Variants in TLR4 observed in about 807,000 individuals in gnomAD.
The protein encoded by TLR4 is toll-like receptor 4.
Under a neutral mutation model 27.4 loss-of-function variants are expected in TLR4, and 17 were observed. The observed-to-expected ratio is 0.62, with a 90% CI of 0.42 to 0.93. TLR4 has a LOEUF of 0.93. Among genes scored for constraint, TLR4 ranks in the 40% least tolerant of loss-of-function variants. TLR4 has a pLI of 0.00. For missense variants in TLR4, 926 were observed against 962.3 expected (o/e 0.96, Z 0.50); for synonymous variants, 363 against 365.7 (o/e 0.99, Z 0.08).
chr9:117,709,615 G>A (rs1026219358), intron 2 of TLR4, among the ~76,000 whole-genome samples: 1 of 152,090 alleles, frequency 6.6e-6, no homozygotes, highest in Non-Finnish European at 1.5e-5. Context: ...AATGGATCAT[G>A]TTCTCTGCAA....
intron 2 of TLR4, chr9:117,708,940 A>G: frequency 3.5e-6 from 2 of 574,628 alleles, no homozygotes; most frequent in Admixed American, 6.6e-5. Flanking sequence ...CAGTTGGCTG[A>G]GACAGCTTCT....
At position 117,713,182 on chromosome 9, in the gene TLR4, T is replaced by A; in HGVS notation, c.1054T>A (p.Ser352Thr). The A allele has an allele frequency of 1.2e-6, 2 of 1,614,060 alleles. No individual in the cohort carries two copies. The highest frequency in any genetic ancestry group is 1.7e-6 in the Non-Finnish European group (2 of 1,179,978). ...FGQFPTLKLK[S>T]LKRLTFTSNK... ...ACAGTTTCCCACATTGAAACTCAAATCTCTCAAAAGGCTTACTTTCACTTC... is the reference window on the plus strand; with the variant it reads ...ACAGTTTCCCACATTGAAACTCAAAACTCTCAAAAGGCTTACTTTCACTTC... The change falls in exon 3 of 3, where the codon TCT becomes ACT. Residue 352 changes from serine (S) to threonine (T), a missense_variant. Ser to Thr is a moderately conservative substitution (Grantham distance 58). Coordinates refer to ENST00000355622, the MANE Select transcript of TLR4 (RefSeq NM_138554.5).
In TLR4 at chr9:117,712,995, A is replaced by G; in HGVS notation, c.867A>G (p.Arg289=). The G allele has an allele frequency of 6.2e-7, 1 of 1,614,130 alleles. No homozygotes were observed. Among genetic ancestry groups the G allele is most frequent in the Non-Finnish European group, 8.5e-7 (1 of 1,179,978 alleles). The change falls in exon 3 of 3, where the codon CGA becomes CGG. Residue 289 remains arginine (R), a synonymous_variant. Transcript: ENST00000355622. The part of the protein sequence containing the change: ...GLCNLTIEEF[R]LAYLDYYLDD... ...GCAATTTGACCATTGAAGAATTCCGATTAGCATACTTAGACTACTACCTCG... is the reference window on the plus strand; with the variant it reads ...GCAATTTGACCATTGAAGAATTCCGGTTAGCATACTTAGACTACTACCTCG...
rs1275668950 is a variant in TLR4 at position 117,721,747 on chromosome 9, G to A, written c.*7099G>A. 6.6e-6 allele frequency: 1 copy of A among 152,142 alleles called. No homozygotes were observed. The highest frequency in any genetic ancestry group is 2.4e-5 in the African/African-American group (1 of 41,440). 9.4% of individuals were successfully genotyped at this position (152,142 alleles called of 1,614,324 possible). On this transcript the variant is annotated 3_prime_UTR_variant, in exon 3 of 3. Coordinates refer to ENST00000355622, the MANE Select transcript of TLR4 (RefSeq NM_138554.5). ...CCAGTTTTCGTGCACAGACAGATTT[G>A]GGAATTACTGTTATAATGGAAAATG...
chr9:117,711,744 A>G (rs1266357659), intron 2 of TLR4, among the ~76,000 whole-genome samples: 8 of 152,156 alleles, frequency 5.3e-5, no homozygotes, highest in Admixed American at 2.0e-4. Flanking sequence ...TTCTTGGTCC[A>G]CAACGGTTCT....
chr9:117,714,690 T>G lies in TLR4; in HGVS notation c.*42T>G, dbSNP rs1310960522. On this transcript the variant is annotated 3_prime_UTR_variant, in exon 3 of 3. Transcript: ENST00000355622. ...CCTCCTGAGGCATTTCTTGCCCAGC[T>G]GGGTCCAACACTTGTTCAGTTAATA... The G allele has an allele frequency of 6.4e-7, 1 of 1,557,506 alleles. No homozygotes were observed. Among genetic ancestry groups the G allele is most frequent in the Non-Finnish European group, 8.8e-7 (1 of 1,133,224 alleles).
Position 117,714,199 on chromosome 9 carries a change from G to T in TLR4, c.2071G>T (p.Glu691Ter). ...CCAGGATGAGGACTGGGTAAGGAAT[G>T]AGCTAGTAAAGAATTTAGAAGAAGG... ...SSQDEDWVRN[E>*]LVKNLEEGVP... The change falls in exon 3 of 3, where the codon GAG (glutamate) becomes TAG (stop). Residue 691 changes from glutamate to a stop codon, truncating the protein, a stop_gained. Coordinates refer to ENST00000355622, the MANE Select transcript of TLR4 (RefSeq NM_138554.5). LOFTEE classifies it high-confidence loss of function. The T allele has an allele frequency of 6.2e-7, 1 of 1,609,986 alleles. No individual in the cohort carries two copies.
intron 2 of TLR4, among the ~76,000 whole-genome samples, chr9:117,710,053 A>G (rs11536880): frequency 0.031 from 4,775 of 152,172 alleles, 256 homozygotes; most frequent in African/African-American, 0.11. Context: ...AAGTATTCTT[A>G]CAGAATTTCA....
In TLR4 at chr9:117,712,437, C is replaced by T; in HGVS notation, c.309C>T (p.His103=). 1 of 1,613,930 alleles carries T rather than the reference C, an allele frequency of 6.2e-7. No individual in the cohort carries two copies. ...ATGGGGCATATCAGAGCCTAAGCCA[C>T]CTCTCTACCTTAATATTGACAGGAA... The part of the protein sequence containing the change: ...IEDGAYQSLS[H]LSTLILTGNP... The change falls in exon 3 of 3, where the codon CAC becomes CAT. Residue 103 remains histidine (H), a synonymous_variant. Transcript: ENST00000355622.
In TLR4 at chr9:117,714,538, C is replaced by T. The variant is rs55786277; in HGVS notation, c.2410C>T (p.Arg804Trp). The change falls in exon 3 of 3, where the codon CGG becomes TGG. Residue 804 changes from arginine to tryptophan, a missense_variant. By Grantham distance (101) the Arg-to-Trp change is moderately radical (BLOSUM62 -3). Coordinates refer to ENST00000355622, the MANE Select transcript of TLR4 (RefSeq NM_138554.5). The part of the protein sequence containing the change: ...YLEWEDSVLG[R>W]HIFWRRLRKA... ...GGAGTGGGAGGACAGTGTCCTGGGGCGGCACATCTTCTGGAGACGACTCAG... is the reference window on the plus strand; with the variant it reads ...GGAGTGGGAGGACAGTGTCCTGGGGTGGCACATCTTCTGGAGACGACTCAG... The T allele has an allele frequency of 8.6e-5, 138 of 1,613,726 alleles. 1 individual carries two copies. Among genetic ancestry groups the T allele is most frequent in the African/African-American group, 8.4e-4 (63 of 74,956 alleles).
At chr9:117,707,806 A>C (rs570234836) in intron 1 of TLR4, among the ~76,000 whole-genome samples, 44 of 152,360 alleles carry the variant, frequency 2.9e-4, no homozygotes, top group African/African-American at 1.0e-3. Flanking sequence ...AATCTGGGCC[A>C]TGACTAAGGA....
Position 117,713,272 on chromosome 9 carries a change from A to G in TLR4, c.1144A>G (p.Arg382Gly), listed in dbSNP as rs774938918. Residue 382 changes from arginine (R) to glycine (G), a missense_variant, in exon 3 of 3, where the codon AGA (arginine) becomes GGA (glycine). Physicochemically the swap from Arg to Gly is moderately radical, Grantham distance 125. Coordinates refer to ENST00000355622, the MANE Select transcript of TLR4 (RefSeq NM_138554.5). Reference protein sequence around the residue: ...LPSLEFLDLSRNGLSFKGCCS... With the variant: ...LPSLEFLDLSGNGLSFKGCCS... Reference sequence around the variant, plus strand: ...AAGCCTTGAGTTTCTAGATCTCAGTAGAAATGGCTTGAGTTTCAAAGGTTG... The same window carrying G: ...AAGCCTTGAGTTTCTAGATCTCAGTGGAAATGGCTTGAGTTTCAAAGGTTG... The G allele has an allele frequency of 1.2e-6, 2 of 1,614,062 alleles. No individual in the cohort carries two copies. Among genetic ancestry groups the G allele is most frequent in the Non-Finnish European group, 1.7e-6 (2 of 1,180,006 alleles).
At position 117,713,761 on chromosome 9, in the gene TLR4, T is replaced by A. The variant is rs747420557; in HGVS notation, c.1633T>A (p.Ser545Thr). The A allele has an allele frequency of 2.5e-6, 4 of 1,613,956 alleles. No individual in the cohort carries two copies. The South Asian group carries it at 4.4e-5, about 18-fold the overall frequency. Residue 545 changes from serine (S) to threonine (T), a missense_variant, in exon 3 of 3, where the codon TCC (serine) becomes ACC (threonine). Ser to Thr is a moderately conservative substitution (Grantham distance 58, BLOSUM62 1). Transcript: ENST00000355622. Reference protein sequence around the residue: ...LDTFPYKCLNSLQVLDYSLNH... With the variant: ...LDTFPYKCLNTLQVLDYSLNH... The stretch of plus-strand genomic sequence containing the variant: ...TACGTTTCCTTATAAGTGTCTGAAC[T>A]CCCTCCAGGTTCTTGATTACAGTCT...
Position 117,712,993 on chromosome 9 carries a change from C to T in TLR4, c.865C>T (p.Arg289Ter), listed in dbSNP as rs1371329921. Residue 289 changes from arginine to a stop codon, truncating the protein, a stop_gained, in exon 3 of 3, where the codon CGA becomes TGA. Transcript: ENST00000355622. LOFTEE classifies it low-confidence loss of function (END_TRUNC). ...GLCNLTIEEF[R>*]LAYLDYYLDD... ...GTGCAATTTGACCATTGAAGAATTC[C>T]GATTAGCATACTTAGACTACTACCT... 6.8e-6 allele frequency: 11 copies of T among 1,613,826 alleles called. No individual in the cohort carries two copies. Among genetic ancestry groups the T allele is most frequent in the Middle Eastern group, 1.6e-4 (1 of 6,082 alleles).
rs115919003 is a variant in TLR4 at position 117,706,687 on chromosome 9, C to T, written c.94-1876C>T. Among the ~76,000 whole-genome samples the T allele has an allele frequency of 8.8e-3, 1,343 of 152,266 alleles. 16 individuals carry two copies. Among genetic ancestry groups the T allele is most frequent in the African/African-American group, 0.03 (1,263 of 41,532 alleles). On this transcript the variant is annotated intron_variant, in intron 1 of 2. Transcript: ENST00000355622. Reference sequence around the variant, plus strand: ...TCTTCCCCTTTCCACATATCTAAACCTTACTCATCTTCCAAGACCCACTTT... The same window carrying T: ...TCTTCCCCTTTCCACATATCTAAACTTTACTCATCTTCCAAGACCCACTTT...
In TLR4 at chr9:117,714,754, GGTGA is replaced by G; in HGVS notation, c.*109_*112del. 1 of 974,322 alleles carries G rather than the reference GGTGA, an allele frequency of 1.0e-6. No individual in the cohort carries two copies. Among genetic ancestry groups the G allele is most frequent in the Non-Finnish European group, 1.6e-6 (1 of 629,176 alleles). The allele number at this position is 974,322 out of a possible 1,614,324, so 60.4% of individuals were successfully genotyped here. A position where few individuals can be genotyped will look rare whatever the true frequency, so the allele number is the denominator to read the frequency against. ...GCCACATGTCAGGCCTTATGCTAAG[GGTGA>G]GTAATTCCATGGTGCACTAGATATG... On this transcript the variant is annotated 3_prime_UTR_variant, in exon 3 of 3. Coordinates refer to ENST00000355622, the MANE Select transcript of TLR4 (RefSeq NM_138554.5).
chr9:117,704,416 G>A lies in TLR4; in HGVS notation c.-57G>A, dbSNP rs2737192. 5.2e-6 allele frequency: 8 copies of A among 1,528,038 alleles called. No individual in the cohort carries two copies. The East Asian group carries it at 1.1e-4, about 22-fold the overall frequency. The allele number at this position is 1,528,038 out of a possible 1,614,324, so 94.7% of individuals were successfully genotyped here. A position where few individuals can be genotyped will look rare whatever the true frequency, so the allele number is the denominator to read the frequency against. On this transcript the variant is annotated 5_prime_UTR_variant, in exon 1 of 3. Transcript: ENST00000355622. ...AACTGCTCGGTCAGACGGTGATAGC[G>A]AGCCACGCATTCACAGGGCCACTGC...
intron 2 of TLR4, among the ~76,000 whole-genome samples, chr9:117,710,502 A>C (rs189044391): frequency 6.7e-6 from 1 of 149,004 alleles, no homozygotes; most frequent in Admixed American, 6.7e-5. Context: ...AATGTCTCTT[A>C]TGTAATTCAT....
At position 117,708,687 on chromosome 9, in the gene TLR4, G is replaced by A; in HGVS notation, c.218G>A (p.Ser73Asn). 6.2e-7 allele frequency: 1 copy of A among 1,613,910 alleles called. No individual in the cohort carries two copies. Among genetic ancestry groups the A allele is most frequent in the Non-Finnish European group, 8.5e-7 (1 of 1,179,838 alleles). ...FNPLRHLGSY[S>N]FFSFPELQVL... ...CCCCTGAGGCATTTAGGCAGCTATA[G>A]CTTCTTCAGTTTCCCAGAACTGCAG... Residue 73 changes from serine (S) to asparagine (N), a missense_variant, in exon 2 of 3, where the codon AGC (serine) becomes AAC (asparagine). Ser to Asn is a conservative substitution (Grantham distance 46). Transcript: ENST00000355622.
Sources: allele counts gnomAD v4.1 joint callset (sites outside exome capture counted in the v4.1 genomes callset), GRCh38; gene constraint gnomAD v4.1.1; transcripts MANE v1.5; gene names NCBI Gene and HGNC (gene_info 2026-07-23, HGNC 2026-07-21).